Variants in DNAJC4 observed in about 807,000 individuals in gnomAD.
DNAJC4 encodes the protein DnaJ heat shock protein family (Hsp40) member C4.
In DNAJC4, 26 loss-of-function variants were observed where a neutral mutation model predicts 26.8. The observed-to-expected ratio is 0.97, with a 90% CI of 0.71 to 1.34. The LOEUF is 1.34. DNAJC4 is among the 40% of genes most tolerant of loss of function. DNAJC4 has a pLI of 0.00. For missense variants in DNAJC4, 342 were observed against 321.1 expected (o/e 1.07, Z -0.50); for synonymous variants, 134 against 127.8 (o/e 1.05, Z -0.33).
At chr11:64,233,261 TCTCA>T (rs1442972340) in intron 4 of DNAJC4, among the ~76,000 whole-genome samples, 3 of 150,790 alleles carry the variant, frequency 2.0e-5, no homozygotes, top group African/African-American at 7.3e-5. Flanking sequence ...TGAGATGGAG[TCTCA>T]CTCTGTTGCC....
rs2135006231 is a variant in DNAJC4 at position 64,232,494 on chromosome 11, C to T, written c.245C>T (p.Ala82Val). The change falls in exon 3 of 6, where the codon GCA becomes GTA. Residue 82 changes from alanine to valine, a missense_variant. Ala to Val is a moderately conservative substitution (Grantham distance 64). Coordinates refer to ENST00000628077, the MANE Select transcript of DNAJC4 (RefSeq NM_005528.4). ...LHSRFVELSE[A>V]YRVLSREQSR... ...AGCCGCTTTGTGGAGCTGAGCGAGG[C>T]ATACCGTGTGCTCAGCCGTGAGCAG... is the stretch of plus-strand genomic sequence containing the variant. The T allele has an allele frequency of 6.2e-7, 1 of 1,612,552 alleles. No homozygotes were observed. Among genetic ancestry groups the T allele is most frequent in the East Asian group, 2.2e-5 (1 of 44,846 alleles).
At position 64,233,764 on chromosome 11, in the gene DNAJC4, G is replaced by A. The variant is rs1591076960; in HGVS notation, c.528-130G>A. ...GAGCCCTCCCTATCTATCACAGGAA[G>A]GGTTAGACTGAGGTTCCTAACCCTG... On this transcript the variant is annotated intron_variant, in intron 4 of 5. Transcript: ENST00000628077. 11 of 1,256,884 alleles carry A rather than the reference G, an allele frequency of 8.8e-6. No homozygotes were observed. The East Asian group carries it at 2.1e-4, about 24-fold the overall frequency. 77.9% of individuals were successfully genotyped at this position (1,256,884 alleles called of 1,614,324 possible).
rs759451671 is a variant in DNAJC4 at position 64,231,966 on chromosome 11, T to C, written c.180+2T>C. 2.5e-6 allele frequency: 4 copies of C among 1,613,918 alleles called. No homozygotes were observed. The East Asian group carries it at 8.9e-5, about 36-fold the overall frequency. On this transcript the variant is annotated splice_donor_variant, in intron 2 of 5. Transcript: ENST00000628077. LOFTEE classifies it high-confidence loss of function. The stretch of plus-strand genomic sequence containing the variant: ...GCTTTCTTCTCCAAGTCCAAAGAGG[T>C]ACCCGTACCCCTGAGGTGGGGAGGG...
At position 64,230,687 on chromosome 11, in the gene DNAJC4, G is replaced by T; in HGVS notation, c.-168G>T. On this transcript the variant is annotated 5_prime_UTR_variant, in exon 1 of 6. Transcript: ENST00000628077. ...GGAAGGGGCAGGTCCAAGGACACGCGGGTCTGGTCCTGGGCAAGAACCGCC... is the reference window on the plus strand; with the variant it reads ...GGAAGGGGCAGGTCCAAGGACACGCTGGTCTGGTCCTGGGCAAGAACCGCC... 1.1e-6 allele frequency: 1 copy of T among 876,950 alleles called. No homozygotes were observed. Among genetic ancestry groups the T allele is most frequent in the Non-Finnish European group, 1.8e-6 (1 of 566,888 alleles). The allele number at this position is 876,950 out of a possible 1,614,324, so 54.3% of individuals were successfully genotyped here. A position where few individuals can be genotyped will look rare whatever the true frequency, so the allele number is the denominator to read the frequency against.
chr11:64,231,827 C>G, intron 1 of DNAJC4, 44 bp from the exon 2 acceptor site: 1 of 1,597,826 alleles, frequency 6.3e-7, no homozygotes, highest in Non-Finnish European at 8.6e-7. Flanking sequence ...GAGCTAGCTT[C>G]TGGGTTCCTT....
rs750527086 is a variant in DNAJC4, at chr11:64,232,545, TC to T, written c.298del (p.Arg100AlafsTer39). ...AGCCGCCGCAGCTATGATGACCAGC[TC>T]CGCTCAGGTAGTCCCCCAAAGTCTC... ...EQSRRSYDDQ[L>X]RSGSPPKSPR... is the part of the protein sequence containing the mutation. On this transcript the variant is annotated frameshift_variant, in exon 3 of 6. Coordinates refer to ENST00000628077, the MANE Select transcript of DNAJC4 (RefSeq NM_005528.4). LOFTEE classifies it high-confidence loss of function. The T allele has an allele frequency of 1.7e-4, 275 of 1,612,786 alleles. No individual in the cohort carries two copies. The highest frequency in any genetic ancestry group is 2.1e-4 in the Non-Finnish European group (253 of 1,179,220).
intron 4 of DNAJC4, chr11:64,233,602 A>G (rs1333614838): frequency 2.2e-6 from 1 of 444,880 alleles, no homozygotes; most frequent in African/African-American, 1.9e-5. Context: ...CAGCCTGCCT[A>G]GTTCAGTGAT....
Position 64,232,424 on chromosome 11 carries a change from C to A in DNAJC4, c.181-6C>A, listed in dbSNP as rs752521946. On this transcript the variant is annotated splice_region_variant and splice_polypyrimidine_tract_variant and intron_variant, in intron 2 of 5. Transcript: ENST00000628077. ...GGGAGATAAGGGGAGTCCTGCCCCA[C>A]CCCAGCTGCACCCAGACCGGGACCC... The A allele has an allele frequency of 6.4e-7, 1 of 1,571,906 alleles. No individual in the cohort carries two copies. Among genetic ancestry groups the A allele is most frequent in the Non-Finnish European group, 8.6e-7 (1 of 1,156,194 alleles).
In DNAJC4 at chr11:64,234,014, T is replaced by C; in HGVS notation, c.614+34T>C. 3 of 1,614,002 alleles carry C rather than the reference T, an allele frequency of 1.9e-6. No individual in the cohort carries two copies. Among genetic ancestry groups the C allele is most frequent in the South Asian group, 1.1e-5 (1 of 91,092 alleles). On this transcript the variant is annotated intron_variant, in intron 5 of 5. Coordinates refer to ENST00000628077, the MANE Select transcript of DNAJC4 (RefSeq NM_005528.4). This position sits in a 1 kb window ranked among gnomAD's most constrained non-coding sequence, Gnocchi z 5.3. ...CTGCTCTATTCTGCTCCCTGCTCCC[T>C]GTCCAGGAACCACACTTCGGGATCC...
Position 64,233,934 on chromosome 11 carries a change from G to T in DNAJC4, c.568G>T (p.Asp190Tyr), listed in dbSNP as rs1947210634. Residue 190 changes from aspartate to tyrosine, a missense_variant, in exon 5 of 6, where the codon GAT (aspartate) becomes TAT (tyrosine). Asp to Tyr is a radical substitution (Grantham distance 160). Coordinates refer to ENST00000628077, the MANE Select transcript of DNAJC4 (RefSeq NM_005528.4). ...GCACCTTAACTTCATGGATGAAAAG[G>T]ATCGGATCATCACAGCCTTCTACAA... ...QMHLNFMDEK[D>Y]RIITAFYNEA... is the part of the protein sequence containing the mutation. 1.2e-6 allele frequency: 2 copies of T among 1,613,968 alleles called. No homozygotes were observed. Among genetic ancestry groups the T allele is most frequent in the Non-Finnish European group, 1.7e-6 (2 of 1,180,026 alleles).
At position 64,230,721 on chromosome 11, in the gene DNAJC4, G is replaced by C. The variant is rs1006116886; in HGVS notation, c.-134G>C. On this transcript the variant is annotated 5_prime_UTR_variant, in exon 1 of 6. Coordinates refer to ENST00000628077, the MANE Select transcript of DNAJC4 (RefSeq NM_005528.4). ...CCTGGGCAAGAACCGCCCCCTCTCC[G>C]GGCCTGCTTCAGTCTTCCTTTGCAG... 30 of 1,272,370 alleles carry C rather than the reference G, an allele frequency of 2.4e-5. No homozygotes were observed. In the East Asian group the frequency reaches 3.3e-4, roughly 14 times the overall value. The allele number at this position is 1,272,370 out of a possible 1,614,324, so 78.8% of individuals were successfully genotyped here.
chr11:64,233,994 C>T lies in DNAJC4; in HGVS notation c.614+14C>T. The T allele has an allele frequency of 1.2e-6, 2 of 1,614,064 alleles. No individual in the cohort carries two copies. The highest frequency in any genetic ancestry group is 1.1e-5 in the South Asian group (1 of 91,088). On this transcript the variant is annotated intron_variant, in intron 5 of 5. Coordinates refer to ENST00000628077, the MANE Select transcript of DNAJC4 (RefSeq NM_005528.4). ...GGCACGGGCCAGGTCTGTCCCTGCT[C>T]TATTCTGCTCCCTGCTCCCTGTCCA...
In DNAJC4 at chr11:64,232,524, G is replaced by C. The variant is rs769533900; in HGVS notation, c.275G>C (p.Arg92Pro). 6.2e-7 allele frequency: 1 copy of C among 1,613,300 alleles called. No individual in the cohort carries two copies. Among genetic ancestry groups the C allele is most frequent in the South Asian group, 1.1e-5 (1 of 91,018 alleles). Residue 92 changes from arginine (R) to proline (P), a missense_variant, in exon 3 of 6, where the codon CGC (arginine) becomes CCC (proline). Arg to Pro is a moderately radical substitution (Grantham distance 103). Coordinates refer to ENST00000628077, the MANE Select transcript of DNAJC4 (RefSeq NM_005528.4). The part of the protein sequence containing the change: ...AYRVLSREQS[R>P]RSYDDQLRSG... ...CGTGTGCTCAGCCGTGAGCAGAGCC[G>C]CCGCAGCTATGATGACCAGCTCCGC...
Position 64,232,083 on chromosome 11 carries a change from T to C in DNAJC4, c.180+119T>C, listed in dbSNP as rs562994144. On this transcript the variant is annotated intron_variant, in intron 2 of 5. Transcript: ENST00000628077. ...GGGTGCCACATTTTTTCAGCCCTCA[T>C]AGGGAGTGGCAGGTGCTCAATGGTA... The C allele has an allele frequency of 1.2e-4, 120 of 1,031,974 alleles. 1 individual carries two copies. In the Middle Eastern group the frequency reaches 1.4e-3, roughly 12 times the overall value. The allele number at this position is 1,031,974 out of a possible 1,614,324, so 63.9% of individuals were successfully genotyped here.
intron 2 of DNAJC4, 44 bp from the exon 3 acceptor site, chr11:64,232,386 A>G (rs1947186867): frequency 5.9e-6 from 9 of 1,521,802 alleles, no homozygotes; most frequent in Non-Finnish European, 7.9e-6. Flanking sequence ...GGTCCTGGGG[A>G]GGGACAGGCA....
rs776160254 is a variant in DNAJC4, at chr11:64,234,153, C to T, written c.695C>T (p.Pro232Leu). The change falls in exon 6 of 6, where the codon CCC (proline) becomes CTC (leucine). Residue 232 changes from proline (P) to leucine (L), a missense_variant. Physicochemically the swap from Pro to Leu is moderately conservative, Grantham distance 98. Coordinates refer to ENST00000628077, the MANE Select transcript of DNAJC4 (RefSeq NM_005528.4). The surrounding 1 kb of genome is among the most constrained non-coding windows in gnomAD (Gnocchi z 5.3). ...QPPPSEPTQG[P>L]EIVPRGAGP ...CCACCATCCGAGCCAACCCAAGGCC[C>T]CGAGATCGTGCCCCGGGGCGCCGGC... 6.3e-7 allele frequency: 1 copy of T among 1,588,516 alleles called. No individual in the cohort carries two copies. Among genetic ancestry groups the T allele is most frequent in the Non-Finnish European group, 8.5e-7 (1 of 1,169,866 alleles).
chr11:64,233,195 T>G (rs530370909), intron 4 of DNAJC4: 183 of 267,504 alleles, frequency 6.8e-4, no homozygotes, highest in Non-Finnish European at 1.1e-3. Context: ...CCTGCCACTC[T>G]CACGCGTGCC....
chr11:64,233,741 GCCCT>G, intron 4 of DNAJC4, 149 bp from the exon 5 acceptor site: 1 of 1,047,940 alleles, frequency 9.5e-7, no homozygotes, highest in Non-Finnish European at 1.4e-6. Context: ...GCCACTCTGA[GCCCT>G]CCCTATCTAT....
chr11:64,230,872 C>T lies in DNAJC4; in HGVS notation c.18C>T (p.Pro6=). 3.7e-6 allele frequency: 6 copies of T among 1,600,166 alleles called. No homozygotes were observed. Among genetic ancestry groups the T allele is most frequent in the East Asian group, 2.3e-5 (1 of 44,428 alleles). MPPLL[P]LRLCRLWPRN... is the part of the protein sequence containing the mutation. ...CCGCCGCCATGCCGCCCTTACTGCC[C>T]CTGCGCCTGTGCCGGCTGTGGCCCC... The change falls in exon 1 of 6, where the codon CCC becomes CCT. Residue 6 remains proline, a synonymous_variant. Coordinates refer to ENST00000628077, the MANE Select transcript of DNAJC4 (RefSeq NM_005528.4).
Sources: allele counts gnomAD v4.1 joint callset (sites outside exome capture counted in the v4.1 genomes callset), GRCh38; gene constraint gnomAD v4.1.1; non-coding constraint Gnocchi (gnomAD v3.1); transcripts MANE v1.5; gene names NCBI Gene and HGNC (gene_info 2026-07-23, HGNC 2026-07-21).